The following SLC4A5 variants were observed in gnomAD, a reference collection of about 807,000 sequenced individuals.
SLC4A5 encodes the protein electrogenic sodium bicarbonate cotransporter 4.
SLC4A5 carries 96 observed loss-of-function variants against 120.4 expected under a neutral mutation model. That is an observed-to-expected ratio of 0.80 (90% CI 0.68 to 0.94). The LOEUF (loss-of-function observed/expected upper bound fraction) is 0.94, where lower values mean the gene tolerates loss of function less well. Among genes scored for constraint, SLC4A5 ranks in the 40% least tolerant of loss-of-function variants. The pLI is 0.00. For missense variants in SLC4A5, 1,259 were observed against 1,459.5 expected, an observed-to-expected ratio of 0.86 and a Z score of 2.24; for synonymous variants, 550 against 571.1, an observed-to-expected ratio of 0.96 and a Z score of 0.53.
chr2:74,286,326 A>G (rs948829173), intron 7 of SLC4A5, among the ~76,000 whole-genome samples: 1 of 152,138 alleles, frequency 6.6e-6, no homozygotes, highest in African/African-American at 2.4e-5. Context: ...CAGCCATGCA[A>G]AAGGACAGCT....
chr2:74,233,598 C>G, intron 22 of SLC4A5, 35 bp from the exon 23 acceptor site: 1 of 1,579,484 alleles, frequency 6.3e-7, no homozygotes, highest in Non-Finnish European at 8.6e-7. Context: ...GCCCTTTCCT[C>G]TCTCCCTTGT....
exon 29 of SLC4A5, chr2:74,222,898 C>G (rs758294798): frequency 3.7e-6 from 6 of 1,613,672 alleles, no homozygotes; most frequent in Non-Finnish European, 5.1e-6. Context: ...TTTTGGGGAT[C>G]TGATTGGACA....
intron 12 of SLC4A5, among the ~76,000 whole-genome samples, chr2:74,256,827 A>C (rs111927235): frequency 6.6e-6 from 1 of 152,158 alleles, no homozygotes; most frequent in African/African-American, 2.4e-5. Flanking sequence ...CAAGAGACAG[A>C]GATAATTTTG....
chr2:74,244,728 T>G (rs938857426), intron 19 of SLC4A5, among the ~76,000 whole-genome samples: 1 of 152,152 alleles, frequency 6.6e-6, no homozygotes, highest in Non-Finnish European at 1.5e-5. Context: ...ACTACAGGTG[T>G]GCACCACTGT....
intron 5 of SLC4A5, among the ~76,000 whole-genome samples, chr2:74,325,010 C>T (rs1375875349): frequency 6.6e-6 from 1 of 152,180 alleles, no homozygotes; most frequent in African/African-American, 2.4e-5. Flanking sequence ...CTGTGACTCC[C>T]TGAGTCAGTT....
At chr2:74,236,512 G>A (rs541596694) in intron 21 of SLC4A5, among the ~76,000 whole-genome samples, 55 of 152,026 alleles carry the variant, frequency 3.6e-4, no homozygotes, top group African/African-American at 1.2e-3. Context: ...TTCCATTGTC[G>A]AAGCTGAGAA....
At chr2:74,321,256 A>C (rs1293523673) in intron 5 of SLC4A5, among the ~76,000 whole-genome samples, 1 of 152,168 alleles carries the variant, frequency 6.6e-6, no homozygotes, top group African/African-American at 2.4e-5. Flanking sequence ...CCACAGTAGC[A>C]CTATGGCCAA....
intron 8 of SLC4A5, among the ~76,000 whole-genome samples, chr2:74,278,951 T>C (rs1671727093): frequency 6.6e-6 from 1 of 152,070 alleles, no homozygotes; most frequent in Non-Finnish European, 1.5e-5. Context: ...ACCCCACCTG[T>C]CTCCTCAAAC....
At chr2:74,284,978 T>C (rs1298785480) in intron 8 of SLC4A5, among the ~76,000 whole-genome samples, 1 of 152,204 alleles carries the variant, frequency 6.6e-6, no homozygotes, top group Non-Finnish European at 1.5e-5. Context: ...AAGCCCTCGC[T>C]GTCTACCCCA....
chr2:74,334,347 G>A (rs1027299389), intron 3 of SLC4A5, among the ~76,000 whole-genome samples, 170 bp from the exon 4 acceptor site: 1 of 152,112 alleles, frequency 6.6e-6, no homozygotes, highest in African/African-American at 2.4e-5. Context: ...CAGCCACGAC[G>A]CAAGTCTTGC....
chr2:74,329,339 C>A (rs1385758335), intron 4 of SLC4A5, among the ~76,000 whole-genome samples: 1 of 151,868 alleles, frequency 6.6e-6, no homozygotes, highest in Admixed American at 6.6e-5. Flanking sequence ...CCCGTAATCC[C>A]AGCACTTTGG....
intron 6 of SLC4A5, among the ~76,000 whole-genome samples, chr2:74,308,852 A>AT (rs1268728193): frequency 1.3e-5 from 2 of 151,532 alleles, no homozygotes; most frequent in East Asian, 3.9e-4. Context: ...GTAGTTTTGC[A>AT]TTATACATTT....
chr2:74,264,849 C>T (rs190946056), intron 9 of SLC4A5, among the ~76,000 whole-genome samples: 10 of 152,186 alleles, frequency 6.6e-5, no homozygotes, highest in Non-Finnish European at 1.0e-4. Flanking sequence ...TGCAAGAGGC[C>T]CTCTCCCCTT....
At chr2:74,227,524 A>T (rs1694888860) in intron 26 of SLC4A5, 2 of 1,612,534 alleles carry the variant, frequency 1.2e-6, no homozygotes, top group African/African-American at 2.7e-5. Flanking sequence ...CACTGGAGTC[A>T]GCTTCTTCTG....
rs78455806 is a variant in SLC4A5 at position 74,311,732 on chromosome 2, T to C, written c.79+3213A>G. Among the ~76,000 whole-genome samples the C allele has an allele frequency of 1.1e-4, 17 of 152,354 alleles. No individual in the cohort carries two copies. The East Asian group carries it at 3.3e-3, about 29-fold the overall frequency. Reference sequence around the variant, plus strand: ...GTTTTATGTCCCAGAATGTGGTCTGTCTTGGTGGATATTCTACATGAGCTT... The same window carrying C: ...GTTTTATGTCCCAGAATGTGGTCTGCCTTGGTGGATATTCTACATGAGCTT... On this transcript the variant is annotated intron_variant, in intron 6 of 30. Coordinates refer to ENST00000394019, the Ensembl canonical transcript of SLC4A5.
rs115967461 is a variant in SLC4A5, at chr2:74,230,661, T to A, written c.2847+575A>T. Among the ~76,000 whole-genome samples, 1,010 of 152,102 alleles carry A rather than the reference T, an allele frequency of 6.6e-3. 12 individuals are homozygous for A. The highest frequency in any genetic ancestry group is 0.024 in the African/African-American group (978 of 41,498). ...TTGGCAGAACTTTCAGAGGGAAGAG[T>A]ATCCTCCAGAAAGGTGAGAGTGGCC... is the stretch of plus-strand genomic sequence containing the variant. On this transcript the variant is annotated intron_variant, in intron 25 of 30. Transcript: ENST00000394019.
At chr2:74,270,394 C>T (rs1671434253) in intron 8 of SLC4A5, among the ~76,000 whole-genome samples, 1 of 152,188 alleles carries the variant, frequency 6.6e-6, no homozygotes, top group Non-Finnish European at 1.5e-5. Context: ...ATGCCTGGGG[C>T]TGGGCGCGGT....
intron 6 of SLC4A5, among the ~76,000 whole-genome samples, chr2:74,306,001 G>A (rs2104264664): frequency 6.6e-6 from 1 of 152,194 alleles, no homozygotes; most frequent in African/African-American, 2.4e-5. Context: ...CGGTATTATA[G>A]GCGTGAGCCA....
chr2:74,339,702 C>A (rs987023346), intron 2 of SLC4A5: 3 of 152,192 alleles, frequency 2.0e-5, no homozygotes, highest in Non-Finnish European at 2.9e-5. Flanking sequence ...TGGGTATACA[C>A]CCAAGAAAAC....
Sources: allele counts gnomAD v4.1 joint callset (sites outside exome capture counted in the v4.1 genomes callset), GRCh38; gene constraint gnomAD v4.1.1; transcripts MANE v1.5; gene names NCBI Gene and HGNC (gene_info 2026-07-23, HGNC 2026-07-21).